NRXN3: variants seen among roughly 807,000 people sequenced by gnomAD.
NRXN3 encodes the protein neurexin 3, also known as neurexin III.
In NRXN3, 32 loss-of-function variants were observed where a neutral mutation model predicts 137.6. That is an observed-to-expected ratio of 0.23 (90% CI 0.18 to 0.31). The LOEUF is 0.31. NRXN3 is among the 10% of genes least tolerant of loss of function. The pLI is 1.00. For synonymous variants in NRXN3, 798 were observed against 784.5 expected, an observed-to-expected ratio of 1.02 and a Z score of -0.29; for missense variants, 1,574 against 2,062.5, an observed-to-expected ratio of 0.76 and a Z score of 4.59.
rs140541309 is a variant in NRXN3 at position 78,628,605 on chromosome 14, C to T, written c.758-16515C>T. On this transcript the variant is annotated intron_variant, in intron 4 of 20. Coordinates refer to ENST00000335750, the MANE Select transcript of NRXN3 (RefSeq NM_001330195.2). Reference sequence around the variant, plus strand: ...CACAGTTAACTATGTTTATTTGGCTCTCCCTGGCCAACCCCAGTAATGGTT... The same window carrying T: ...CACAGTTAACTATGTTTATTTGGCTTTCCCTGGCCAACCCCAGTAATGGTT... 7.1e-4 allele frequency among the ~76,000 whole-genome samples: 108 copies of T among 152,302 alleles called. 1 individual carries two copies. Among genetic ancestry groups the T allele is most frequent in the African/African-American group, 2.5e-3 (105 of 41,556 alleles).
At chr14:78,941,723 A>C (rs544908365) in intron 10 of NRXN3, among the ~76,000 whole-genome samples, 1 of 152,358 alleles carries the variant, frequency 6.6e-6, no homozygotes, top group East Asian at 1.9e-4. Context: ...TGGGATAAAA[A>C]TGCTTACTTC....
chr14:78,823,675 A>G (rs950567659), intron 10 of NRXN3, among the ~76,000 whole-genome samples: 20 of 152,210 alleles, frequency 1.3e-4, no homozygotes, highest in African/African-American at 4.3e-4. Flanking sequence ...GCTGAGAGCA[A>G]GCACATTGAG....
chr14:79,729,493 A>C (rs2098913794), intron 19 of NRXN3, among the ~76,000 whole-genome samples: 1 of 152,212 alleles, frequency 6.6e-6, no homozygotes, highest in South Asian at 2.1e-4. Flanking sequence ...CCTTGCTTAA[A>C]ACCAGTTAGG....
chr14:79,730,113 G>C (rs1032252034), intron 19 of NRXN3, among the ~76,000 whole-genome samples: 1 of 152,194 alleles, frequency 6.6e-6, no homozygotes, highest in African/African-American at 2.4e-5. Context: ...GAAGAAGCCA[G>C]ATTTGTGTAT....
rs144804350 is a variant in NRXN3, at chr14:79,673,206, A to G, written c.3616+9257A>G. Among the ~76,000 whole-genome samples the G allele has an allele frequency of 3.0e-4, 45 of 152,216 alleles. 1 individual carries two copies. The highest frequency in any genetic ancestry group is 7.2e-4 in the Admixed American group (11 of 15,278). On this transcript the variant is annotated intron_variant, in intron 17 of 20. Coordinates refer to ENST00000335750, the MANE Select transcript of NRXN3 (RefSeq NM_001330195.2). ...AAGCGGCACTTTGAGTCTTCAGTTC[A>G]TGGAGTTAACATGAATTTGATTGGA...
At chr14:78,889,900 C>G (rs2099154301) in intron 10 of NRXN3, among the ~76,000 whole-genome samples, 1 of 151,998 alleles carries the variant, frequency 6.6e-6, no homozygotes, top group Non-Finnish European at 1.5e-5. Context: ...CAGGTGGGCC[C>G]TAAATCCAGT....
chr14:78,467,088 G>A (rs903399712), intron 4 of NRXN3, among the ~76,000 whole-genome samples: 9 of 152,150 alleles, frequency 5.9e-5, no homozygotes, highest in African/African-American at 2.2e-4. Context: ...TGTCTCACAT[G>A]TATTGATTGA....
chr14:78,271,019 C>T (rs1365126013), intron 2 of NRXN3, among the ~76,000 whole-genome samples: 2 of 152,188 alleles, frequency 1.3e-5, no homozygotes, highest in Non-Finnish European at 2.9e-5. Context: ...AGTCCCACCC[C>T]ACAAATGATG....
At chr14:78,463,932 C>T (rs1415490943) in intron 4 of NRXN3, among the ~76,000 whole-genome samples, 1 of 151,860 alleles carries the variant, frequency 6.6e-6, no homozygotes, top group Admixed American at 6.6e-5. Context: ...TTGCAAGATG[C>T]TCCTTGACCT....
At chr14:78,633,244 ACT>A (rs1255163456) in intron 4 of NRXN3, among the ~76,000 whole-genome samples, 1 of 148,212 alleles carries the variant, frequency 6.7e-6, no homozygotes, top group Non-Finnish European at 1.5e-5. Context: ...ACAGAGCGAG[ACT>A]CTGTCAAAAA....
intron 15 of NRXN3, among the ~76,000 whole-genome samples, chr14:79,130,121 A>G (rs1568375643): frequency 6.6e-6 from 1 of 150,610 alleles, no homozygotes. Context: ...ATGGGTCTTG[A>G]CTCTTTATCC....
intron 4 of NRXN3, among the ~76,000 whole-genome samples, chr14:78,315,914 T>A (rs1000975409): frequency 1.3e-5 from 2 of 152,250 alleles, no homozygotes; most frequent in Non-Finnish European, 2.9e-5. Context: ...CATTTTAGTT[T>A]GTAGATATAT....
intron 15 of NRXN3, among the ~76,000 whole-genome samples, chr14:79,087,067 A>C (rs1034894587): frequency 4.6e-5 from 7 of 152,162 alleles, no homozygotes; most frequent in East Asian, 3.9e-4. Flanking sequence ...AGAAGTGGCC[A>C]ACCTGAAGAT....
intron 16 of NRXN3, among the ~76,000 whole-genome samples, chr14:79,533,321 AT>A (rs1788536922): frequency 1.3e-5 from 2 of 152,236 alleles, no homozygotes; most frequent in African/African-American, 4.8e-5. Context: ...TCTCCTTTTA[AT>A]AGGATGAAGG....
chr14:78,290,711 C>A (rs2075727086), intron 3 of NRXN3, among the ~76,000 whole-genome samples: 1 of 152,122 alleles, frequency 6.6e-6, no homozygotes, highest in African/African-American at 2.4e-5. Flanking sequence ...CTTCTCAATC[C>A]CACGCTGTCT....
intron 4 of NRXN3, among the ~76,000 whole-genome samples, chr14:78,367,254 T>G (rs905130171): frequency 6.6e-6 from 1 of 152,162 alleles, no homozygotes. Flanking sequence ...GGCTTTTTCT[T>G]GCTTAGTCTG....
At chr14:78,883,362 T>G (rs984743) in intron 10 of NRXN3, among the ~76,000 whole-genome samples, 4,025 of 152,164 alleles carry the variant, frequency 0.026, 187 homozygotes, top group African/African-American at 0.091. Flanking sequence ...AGATAATTAA[T>G]AAGTGAGTGA....
At chr14:78,697,198 T>G (rs1454058148) in intron 6 of NRXN3, among the ~76,000 whole-genome samples, 1 of 152,044 alleles carries the variant, frequency 6.6e-6, no homozygotes, top group Non-Finnish European at 1.5e-5. Flanking sequence ...ATATGAAAAC[T>G]TATTTGATTC....
At chr14:78,912,009 T>G (rs186948397) in intron 10 of NRXN3, among the ~76,000 whole-genome samples, 1 of 151,800 alleles carries the variant, frequency 6.6e-6, no homozygotes, top group African/African-American at 2.4e-5. Flanking sequence ...CATGTTGGTG[T>G]GCTGCACCCA....
Sources: allele counts gnomAD v4.1 joint callset (sites outside exome capture counted in the v4.1 genomes callset), GRCh38; gene constraint gnomAD v4.1.1; transcripts MANE v1.5; gene names NCBI Gene and HGNC (gene_info 2026-07-23, HGNC 2026-07-21).